The following TTN variants were observed in gnomAD, a reference collection of about 807,000 sequenced individuals.
TTN encodes the protein connectin.
TTN carries 1,525 observed loss-of-function variants against 3,223.0 expected under a neutral mutation model. The ratio of observed to expected loss-of-function variants is 0.47; its 90% CI spans 0.45 to 0.49. TTN has a LOEUF of 0.49. TTN is among the 20% of genes least tolerant of loss of function. The pLI is 0.00. For synonymous variants in TTN, 14,094 were observed against 15,161.0 expected (o/e 0.93, Z 5.17); for missense variants, 40,786 against 43,424.0 (o/e 0.94, Z 5.40).
chr2:178,678,840 T>C lies in TTN; in HGVS notation c.33743-10A>G. On this transcript the variant is annotated splice_polypyrimidine_tract_variant and intron_variant, in intron 142 of 362. Coordinates refer to ENST00000589042, the MANE Select transcript of TTN (RefSeq NM_001267550.2). The stretch of plus-strand genomic sequence containing the variant: ...TTGGGCACTTCAGGAACTTCAAAGA[T>C]ATCAAATAGAGTTAGTGTCACATTT... The C allele has an allele frequency of 6.3e-7, 1 of 1,583,780 alleles. No individual in the cohort carries two copies. The highest frequency in any genetic ancestry group is 8.5e-7 in the Non-Finnish European group (1 of 1,170,066).
intron 46 of TTN, among the ~76,000 whole-genome samples, chr2:178,754,761 C>T (rs545244663): frequency 6.6e-6 from 1 of 152,174 alleles, no homozygotes; most frequent in African/African-American, 2.4e-5. Flanking sequence ...ATTTACATAA[C>T]TAGACCTCAG....
In TTN at chr2:178,567,853, T is replaced by C. The variant is rs754287856; in HGVS notation, c.78279A>G (p.Gly26093=). The change falls in exon 326 of 363, where the codon GGA becomes GGG. Residue 26093 remains glycine (G), a synonymous_variant. Coordinates refer to ENST00000589042, the MANE Select transcript of TTN (RefSeq NM_001267550.2). Reference sequence around the variant, plus strand: ...TTTTAACCATTATTGGTTCTGGGGTTCCTGGTGGGTCACAGGGATCTCTGG... The same window carrying C: ...TTTTAACCATTATTGGTTCTGGGGTCCCTGGTGGGTCACAGGGATCTCTGG... ...YVARDPCDPP[G]TPEPIMVKRN... The C allele has an allele frequency of 1.2e-6, 2 of 1,613,576 alleles. No individual in the cohort carries two copies. Among genetic ancestry groups the C allele is most frequent in the Non-Finnish European group, 1.7e-6 (2 of 1,179,614 alleles).
Position 178,653,348 on chromosome 2 carries a change from G to A in TTN, c.38708-27C>T, listed in dbSNP as rs141983264. 1.3e-3 allele frequency: 2,102 copies of A among 1,609,948 alleles called. 2 individuals are homozygous for A. In the African/African-American group the frequency reaches 0.025, roughly 19 times the overall value. ...TTAAAAGATATTAGTAAAGTTACAT[G>A]TAGAGCTATGGAGACTACTAGCAAA... On this transcript the variant is annotated intron_variant, in intron 197 of 362. Transcript: ENST00000589042.
intron 284 of TTN, 36 bp from the exon 285 acceptor site, chr2:178,601,950 T>G: frequency 1.9e-6 from 3 of 1,612,716 alleles, no homozygotes; most frequent in South Asian, 2.2e-5. Context: ...GTAGTATAAA[T>G]ACTCCTTATA....
At position 178,568,905 on chromosome 2, in the gene TTN, C is replaced by A. The variant is rs765997807; in HGVS notation, c.77227G>T (p.Glu25743Ter). 1 of 1,613,290 alleles carries A rather than the reference C, an allele frequency of 6.2e-7. No homozygotes were observed. Among genetic ancestry groups the A allele is most frequent in the Non-Finnish European group, 8.5e-7 (1 of 1,179,564 alleles). The change falls in exon 326 of 363, where the codon GAG becomes TAG. Residue 25743 changes from glutamate to a stop codon, truncating the protein, a stop_gained. Coordinates refer to ENST00000589042, the MANE Select transcript of TTN (RefSeq NM_001267550.2). LOFTEE classifies it high-confidence loss of function. Reference protein sequence around the residue: ...YIVEMQAKHSEKWSECARVKS... With the variant: ...YIVEMQAKHS ...ACTCGAGCACACTCTGACCATTTCT[C>A]ACTGTGTTTAGCTTGCATTTCCACA...
Position 178,774,927 on chromosome 2 carries a change from C to T in TTN, c.6784G>A (p.Val2262Ile), listed in dbSNP as rs1430183288. 6.2e-7 allele frequency: 1 copy of T among 1,613,632 alleles called. No individual in the cohort carries two copies. Among genetic ancestry groups the T allele is most frequent in the Non-Finnish European group, 8.5e-7 (1 of 1,179,844 alleles). ...ATCCTTCGTTGTTGAATACCTTCAA[C>T]AATAAGTTTAGCAGTCGTTTTGACA... ...ENVKTTAKLI[V>I]EGAVVEFVKE... Residue 2262 changes from valine (V) to isoleucine (I), a missense_variant, in exon 29 of 363, where the codon GTT (valine) becomes ATT (isoleucine). Coordinates refer to ENST00000589042, the MANE Select transcript of TTN (RefSeq NM_001267550.2).
rs61680869 is a variant in TTN, at chr2:178,805,577, C to A, written c.-13-922G>T. Among the ~76,000 whole-genome samples the A allele has an allele frequency of 0.011, 1,734 of 152,160 alleles. 62 individuals are homozygous for A. The East Asian group carries it at 0.13, about 11-fold the overall frequency. On this transcript the variant is annotated intron_variant, in intron 1 of 362. Transcript: ENST00000589042. ...GCTTTGGCAAGCCTTATCAAATATG[C>A]AAGCTTTTTGTAGACGGCATACGGT...
chr2:178,532,116 C>T lies in TTN; in HGVS notation c.104499G>A (p.Ala34833=), dbSNP rs375992557. The T allele has an allele frequency of 2.4e-5, 38 of 1,613,834 alleles. No homozygotes were observed. Among genetic ancestry groups the T allele is most frequent in the African/African-American group, 2.0e-4 (15 of 74,924 alleles). ...AGCGCCGTCGTCTCAGTAGTCTAGA[C>T]GCAGATGAGGATGATTCTCTTTGAG... ...KHAQRESSSS[A]SRLLRRRRSL... The change falls in exon 358 of 363, where the codon GCG becomes GCA. Residue 34833 remains alanine, a synonymous_variant. Coordinates refer to ENST00000589042, the MANE Select transcript of TTN (RefSeq NM_001267550.2).
At position 178,556,927 on chromosome 2, in the gene TTN, A is replaced by G; in HGVS notation, c.88227T>C (p.Arg29409=). The change falls in exon 330 of 363, where the codon CGT becomes CGC. Residue 29409 remains arginine, a synonymous_variant. Transcript: ENST00000589042. ...AACCAACAGCATTCCTAGCAAAGAC[A>G]CGGAATTCATACTGGGAATTCTGAG... ...GLTQNSQYEF[R]VFARNAVGSI... The G allele has an allele frequency of 6.2e-7, 1 of 1,613,854 alleles. No individual in the cohort carries two copies. Among genetic ancestry groups the G allele is most frequent in the Non-Finnish European group, 8.5e-7 (1 of 1,179,824 alleles).
Position 178,574,315 on chromosome 2 carries a change from G to A in TTN, c.71817C>T (p.His23939=). 1 of 1,613,560 alleles carries A rather than the reference G, an allele frequency of 6.2e-7. No individual in the cohort carries two copies. Among genetic ancestry groups the A allele is most frequent in the Non-Finnish European group, 8.5e-7 (1 of 1,179,674 alleles). ...GCTTAGCCCATTTAAGTGTTACTGTGTGTCTTGTAATATTTAGAGGTACTG... is the reference window on the plus strand; with the variant it reads ...GCTTAGCCCATTTAAGTGTTACTGTATGTCTTGTAATATTTAGAGGTACTG... ...GKPVPLNITR[H]TVTLKWAKPE... Residue 23939 remains histidine (H), a synonymous_variant, in exon 326 of 363, where the codon CAC becomes CAT. Transcript: ENST00000589042.
At chr2:178,701,902 T>C (rs1479068337) in intron 109 of TTN, 138 bp downstream of exon 109, 11 of 900,542 alleles carry the variant, frequency 1.2e-5, no homozygotes, top group African/African-American at 1.7e-5. Flanking sequence ...AAAGTAATTC[T>C]ACTGCATAAC....
intron 361 of TTN, 131 bp from the exon 362 acceptor site, chr2:178,527,879 G>T: frequency 1.2e-6 from 1 of 829,112 alleles, no homozygotes; most frequent in Non-Finnish European, 1.8e-6. Context: ...TGCTGTTGAA[G>T]CATAAGCAAA....
At chr2:178,796,285 G>A (rs995559299) in intron 6 of TTN, among the ~76,000 whole-genome samples, 73 of 152,096 alleles carry the variant, frequency 4.8e-4, no homozygotes, top group African/African-American at 1.6e-3. Flanking sequence ...CCCTATCATT[G>A]CATTTTATTA....
In TTN at chr2:178,751,754, C is replaced by T. The variant is rs148115514; in HGVS notation, c.11311+1370G>A. ...ATCACTCTCAGCTTTTATAATCCGA[C>T]GAAGACCTGTTGGGATGGGCCGATT... On this transcript the variant is annotated intron_variant, in intron 47 of 362. Coordinates refer to ENST00000589042, the MANE Select transcript of TTN (RefSeq NM_001267550.2). The T allele has an allele frequency of 3.5e-4, 566 of 1,613,094 alleles. 2 individuals are homozygous for T. The highest frequency in any genetic ancestry group is 1.3e-3 in the South Asian group (114 of 91,028).
At position 178,552,497 on chromosome 2, in the gene TTN, C is replaced by A. The variant is rs1345842095; in HGVS notation, c.90403G>T (p.Asp30135Tyr). Residue 30135 changes from aspartate (D) to tyrosine (Y), a missense_variant, in exon 335 of 363, where the codon GAT becomes TAT. Asp to Tyr is a radical substitution (Grantham distance 160). Coordinates refer to ENST00000589042, the MANE Select transcript of TTN (RefSeq NM_001267550.2). The stretch of plus-strand genomic sequence containing the variant: ...ACAGTGACTTGTGCCCCAGGGATAT[C>A]TGACAGGTCAACTTCAGGTGTAATA... ...LIITPEVDLS[D>Y]IPGAQVTVRI... 2.5e-6 allele frequency: 4 copies of A among 1,613,010 alleles called. No homozygotes were observed. The highest frequency in any genetic ancestry group is 1.3e-5 in the African/African-American group (1 of 74,914).
In TTN at chr2:178,689,785, T is replaced by C. The variant is rs553412875; in HGVS notation, c.31846+28A>G. On this transcript the variant is annotated intron_variant, in intron 122 of 362. Transcript: ENST00000589042. ...CATATTTTGTATCAAAGATAAAAGA[T>C]AGGGCTTTACGTCGAAAGCCACTGT... 6 of 1,573,518 alleles carry C rather than the reference T, an allele frequency of 3.8e-6. No individual in the cohort carries two copies. In the South Asian group the frequency reaches 5.9e-5, roughly 15 times the overall value.
chr2:178,806,004 G>A (rs2094301637), intron 1 of TTN, among the ~76,000 whole-genome samples: 1 of 152,104 alleles, frequency 6.6e-6, no homozygotes, highest in African/African-American at 2.4e-5. Context: ...GAACATTTCT[G>A]AATTGTCAAT....
Position 178,709,585 on chromosome 2 carries a change from C to T in TTN, c.28734G>A (p.Thr9578=), listed in dbSNP as rs369319371. 1.7e-5 allele frequency: 28 copies of T among 1,610,864 alleles called. No individual in the cohort carries two copies. Among genetic ancestry groups the T allele is most frequent in the Middle Eastern group, 1.6e-4 (1 of 6,068 alleles). ...ACTCACCTTTGATGACGATTGAAGA[C>T]GTGCACAGAGCAGAGCCTGCATCAT... The part of the protein sequence containing the change: ...VSNDAGSALC[T]SSIVIKEPKK... The change falls in exon 99 of 363, where the codon ACG becomes ACA. Residue 9578 remains threonine (T), a synonymous_variant. Coordinates refer to ENST00000589042, the MANE Select transcript of TTN (RefSeq NM_001267550.2).
chr2:178,568,783 C>A lies in TTN; in HGVS notation c.77349G>T (p.Arg25783=), dbSNP rs1318167061. ...TGGCAACTATTGGAACTGCAAGGGACCGAGGATCACTTCTCCCCTTTTCAT... is the reference window on the plus strand; with the variant it reads ...TGGCAACTATTGGAACTGCAAGGGAACGAGGATCACTTCTCCCCTTTTCAT... ...AVNEKGRSDP[R]SLAVPIVAKD... Residue 25783 remains arginine, a synonymous_variant, in exon 326 of 363, where the codon CGG becomes CGT. Coordinates refer to ENST00000589042, the MANE Select transcript of TTN (RefSeq NM_001267550.2). The A allele has an allele frequency of 6.2e-7, 1 of 1,612,878 alleles. No homozygotes were observed.
Sources: allele counts gnomAD v4.1 joint callset (sites outside exome capture counted in the v4.1 genomes callset), GRCh38; gene constraint gnomAD v4.1.1; transcripts MANE v1.5; gene names NCBI Gene and HGNC (gene_info 2026-07-23, HGNC 2026-07-21).